Variants in CNTNAP2 observed in about 807,000 individuals in gnomAD.
The protein encoded by CNTNAP2 is contactin associated protein 2, also known as contactin-associated protein-like 2.
A neutral mutation model predicts 155.2 loss-of-function variants in CNTNAP2; 98 were observed. The observed-to-expected ratio is 0.63, with a 90% CI of 0.54 to 0.75. The LOEUF (loss-of-function observed/expected upper bound fraction) is 0.75. CNTNAP2 is among the 30% of genes least tolerant of loss of function. CNTNAP2 has a pLI of 0.00. For missense variants in CNTNAP2, 1,727 were observed against 1,688.1 expected (o/e 1.02, Z -0.40); for synonymous variants, 651 against 631.2 (o/e 1.03, Z -0.47).
intron 1 of CNTNAP2, among the ~76,000 whole-genome samples, chr7:146,436,102 A>G (rs1279049767): frequency 6.6e-6 from 1 of 152,164 alleles, no homozygotes; most frequent in African/African-American, 2.4e-5. Context: ...TTCTTAATTT[A>G]TAATATAGAA....
Position 146,298,045 on chromosome 7 carries a change from C to T in CNTNAP2, c.97+181072C>T, listed in dbSNP as rs1394511383. Among the ~76,000 whole-genome samples, 5 of 152,132 alleles carry T rather than the reference C, an allele frequency of 3.3e-5. No individual in the cohort carries two copies. The East Asian group carries it at 9.6e-4, about 29-fold the overall frequency. On this transcript the variant is annotated intron_variant, in intron 1 of 23. Coordinates refer to ENST00000361727, the MANE Select transcript of CNTNAP2 (RefSeq NM_014141.6). ...ATGAAAGAAAGTGGTCATTAACATACCCAAAGGAAGAGATGATCCTTCTAT... is the reference window on the plus strand; with the variant it reads ...ATGAAAGAAAGTGGTCATTAACATATCCAAAGGAAGAGATGATCCTTCTAT...
chr7:146,531,961 A>G (rs776349197), intron 1 of CNTNAP2, among the ~76,000 whole-genome samples: 1 of 152,152 alleles, frequency 6.6e-6, no homozygotes, highest in African/African-American at 2.4e-5. Context: ...TCTTGGAATC[A>G]ACTTGAACAA....
At chr7:146,861,064 GGTTTTTT>G in intron 3 of CNTNAP2, among the ~76,000 whole-genome samples, 1 of 151,792 alleles carries the variant, frequency 6.6e-6, no homozygotes, top group African/African-American at 2.4e-5. Flanking sequence ...TTGTTTGTTT[GGTTTTTT>G]GTTTTTTGAG....
At chr7:146,344,330 T>A (rs1051190685) in intron 1 of CNTNAP2, among the ~76,000 whole-genome samples, 1 of 152,198 alleles carries the variant, frequency 6.6e-6, no homozygotes, top group Non-Finnish European at 1.5e-5. Flanking sequence ...AACTGATAAT[T>A]TAGAAAACTA....
At chr7:147,742,978 G>C (rs889442548) in intron 13 of CNTNAP2, among the ~76,000 whole-genome samples, 1 of 152,174 alleles carries the variant, frequency 6.6e-6, no homozygotes, top group African/African-American at 2.4e-5. Context: ...GCTCCTATGA[G>C]AATTTCAGTT....
chr7:147,146,142 A>G (rs977786614), intron 8 of CNTNAP2: 1 of 152,218 alleles, frequency 6.6e-6, no homozygotes, highest in African/African-American at 2.4e-5. Flanking sequence ...ATATTACAGC[A>G]TGAGAAAAAA....
At chr7:147,337,220 G>C (rs537801898) in intron 9 of CNTNAP2, among the ~76,000 whole-genome samples, 1 of 152,200 alleles carries the variant, frequency 6.6e-6, no homozygotes, top group South Asian at 2.1e-4. Flanking sequence ...TGTATGGTGA[G>C]CCAGCCCCCA....
At position 147,237,049 on chromosome 7, in the gene CNTNAP2, C is replaced by CTTTTTTTTTTTTTTTTTTTTTTTTT. The variant is rs548220734; in HGVS notation, c.1349-63080_1349-63056dup. 2.4e-4 allele frequency among the ~76,000 whole-genome samples: 14 copies of CTTTTTTTTTTTTTTTTTTTTTTTTT among 57,478 alleles called. 2 individuals carry two copies. Among genetic ancestry groups the CTTTTTTTTTTTTTTTTTTTTTTTTT allele is most frequent in the Non-Finnish European group, 4.4e-4 (13 of 29,592 alleles). The allele number at this position is 57,478 out of a possible 152,430, so 37.7% of individuals were successfully genotyped here. ...CCACTTCCTTTAGCCTTCACCTCCT[C>CTTTTTTTTTTTTTTTTTTTTTTTTT]TTTTTTTTTTTTTTTTTTTTTTTTT... On this transcript the variant is annotated intron_variant, in intron 8 of 23. Coordinates refer to ENST00000361727, the MANE Select transcript of CNTNAP2 (RefSeq NM_014141.6).
chr7:147,748,223 G>A (rs540287302), intron 13 of CNTNAP2, among the ~76,000 whole-genome samples: 15 of 152,282 alleles, frequency 9.9e-5, no homozygotes, highest in Admixed American at 5.9e-4. Flanking sequence ...AGATTCATGG[G>A]TTAAGTTGTA....
intron 14 of CNTNAP2, among the ~76,000 whole-genome samples, chr7:147,973,788 G>A (rs1801378772): frequency 6.6e-6 from 1 of 152,136 alleles, no homozygotes. Flanking sequence ...AGTCCAAGGA[G>A]GGGATCCAGA....
At chr7:147,160,097 T>C (rs1166129703) in intron 8 of CNTNAP2, among the ~76,000 whole-genome samples, 1 of 152,130 alleles carries the variant, frequency 6.6e-6, no homozygotes, top group Non-Finnish European at 1.5e-5. Context: ...ACTGAACCAC[T>C]GTGACTGACA....
chr7:146,664,538 T>A (rs192314025), intron 1 of CNTNAP2, among the ~76,000 whole-genome samples: 2 of 152,326 alleles, frequency 1.3e-5, no homozygotes, highest in East Asian at 1.9e-4. Context: ...ACTAAATGTT[T>A]TATATATTGC....
intron 1 of CNTNAP2, among the ~76,000 whole-genome samples, chr7:146,444,665 T>C (rs1422770227): frequency 6.6e-6 from 1 of 151,674 alleles, no homozygotes; most frequent in East Asian, 1.9e-4. Flanking sequence ...CTCTCTCTTT[T>C]TTTTTTTTTT....
chr7:146,534,658 T>A (rs801926), intron 1 of CNTNAP2, among the ~76,000 whole-genome samples: 67,845 of 151,678 alleles, frequency 0.45, 17,209 homozygotes, highest in African/African-American at 0.7. Flanking sequence ...TAAAATGCAG[T>A]TACATGCTAT....
rs1402021597 is a variant in CNTNAP2, at chr7:147,007,410, G to T, written c.403-36497G>T. ...CTGCTATCTGTCTGTCTATCTACCT[G>T]TCTATCTAGCTACCTACTCTAATGC... On this transcript the variant is annotated intron_variant, in intron 3 of 23. Transcript: ENST00000361727. Among the ~76,000 whole-genome samples the T allele has an allele frequency of 2.6e-5, 4 of 152,026 alleles. No homozygotes were observed. In the South Asian group the frequency reaches 8.3e-4, roughly 31 times the overall value.
intron 13 of CNTNAP2, among the ~76,000 whole-genome samples, chr7:147,709,278 A>C (rs1156882429): frequency 6.6e-6 from 1 of 152,176 alleles, no homozygotes; most frequent in East Asian, 1.9e-4. Context: ...AAAGAATTTT[A>C]GATCTGCACT....
chr7:146,229,175 A>C (rs1445827661), intron 1 of CNTNAP2, among the ~76,000 whole-genome samples: 1 of 152,184 alleles, frequency 6.6e-6, no homozygotes, highest in East Asian at 1.9e-4. Flanking sequence ...ATGAATTGCC[A>C]TCGGGTCACT....
At chr7:146,142,904 A>G (rs1797900759) in intron 1 of CNTNAP2, among the ~76,000 whole-genome samples, 1 of 152,244 alleles carries the variant, frequency 6.6e-6, no homozygotes, top group Non-Finnish European at 1.5e-5. Context: ...TGACTTTTAA[A>G]AAGAAGTCCA....
chr7:147,502,147 T>A (rs1798826389), intron 11 of CNTNAP2, among the ~76,000 whole-genome samples: 1 of 152,100 alleles, frequency 6.6e-6, no homozygotes, highest in Non-Finnish European at 1.5e-5. Context: ...AAAATATCCT[T>A]ATCAATGCAA....
Sources: allele counts gnomAD v4.1 joint callset (sites outside exome capture counted in the v4.1 genomes callset), GRCh38; gene constraint gnomAD v4.1.1; transcripts MANE v1.5; gene names NCBI Gene and HGNC (gene_info 2026-07-23, HGNC 2026-07-21).